The following FILIP1 variants were observed in gnomAD, a reference collection of about 807,000 sequenced individuals.
The protein encoded by FILIP1 is filamin-A-interacting protein 1.
In FILIP1, 61 loss-of-function variants were observed where a neutral mutation model predicts 102.1. The ratio of observed to expected loss-of-function variants is 0.60; its 90% confidence interval spans 0.49 to 0.74. The LOEUF is 0.74. FILIP1 is among the 30% of genes least tolerant of loss of function. The probability of loss-of-function intolerance (pLI) is 0.00; values close to 1 mark genes in which losing one functional copy is unlikely to be tolerated. For synonymous variants in FILIP1, 491 were observed against 526.9 expected, an observed-to-expected ratio of 0.93 and a Z score of 0.93; for missense variants, 1,314 against 1,441.2, an observed-to-expected ratio of 0.91 and a Z score of 1.43.
chr6:75,414,584 A>G, intron 2 of FILIP1, 113 bp downstream of exon 2: 1 of 1,001,026 alleles, frequency 1.0e-6, no homozygotes, highest in Non-Finnish European at 1.5e-6. Context: ...TAAGGGAAAC[A>G]TTCTCCTTTC....
chr6:75,460,689 C>T (rs1434932760), intron 1 of FILIP1, among the ~76,000 whole-genome samples: 2 of 152,114 alleles, frequency 1.3e-5, no homozygotes, highest in Non-Finnish European at 2.9e-5. Flanking sequence ...GCCTCTATTT[C>T]TGAGATTCCA....
At chr6:75,372,158 G>A (rs957071043) in intron 2 of FILIP1, among the ~76,000 whole-genome samples, 9 of 151,906 alleles carry the variant, frequency 5.9e-5, no homozygotes, top group African/African-American at 9.7e-5. Context: ...AGGTGAGATC[G>A]GGAGTTTGAG....
chr6:75,295,013 T>G (rs1265134292), exon 7 of FILIP1: 3 of 151,934 alleles, frequency 2.0e-5, no homozygotes, highest in African/African-American at 7.3e-5. Context: ...TCTTATTTTT[T>G]AAAAAAGATC....
At chr6:75,473,477 A>T (rs1779388162) in intron 1 of FILIP1, among the ~76,000 whole-genome samples, 1 of 152,304 alleles carries the variant, frequency 6.6e-6, no homozygotes, top group East Asian at 1.9e-4. Context: ...TGATCCAACT[A>T]AAGAAACACG....
chr6:75,430,039 T>A (rs1043453592), intron 1 of FILIP1, among the ~76,000 whole-genome samples: 1 of 152,142 alleles, frequency 6.6e-6, no homozygotes. Context: ...AATCCCCAAG[T>A]GTTGAGAGAG....
At chr6:75,331,256 G>C (rs955278847) in intron 4 of FILIP1, among the ~76,000 whole-genome samples, 1 of 152,150 alleles carries the variant, frequency 6.6e-6, no homozygotes, top group Admixed American at 6.5e-5. Context: ...GGAATTGTTA[G>C]TTGTTTGCTC....
At chr6:75,418,359 C>A (rs1401761878) in intron 1 of FILIP1, among the ~76,000 whole-genome samples, 2 of 152,156 alleles carry the variant, frequency 1.3e-5, no homozygotes, top group Non-Finnish European at 2.9e-5. Context: ...AAATAATTAA[C>A]CTTCTGCAGA....
intron 2 of FILIP1, among the ~76,000 whole-genome samples, chr6:75,393,681 C>A (rs1290285430): frequency 6.6e-6 from 1 of 152,150 alleles, no homozygotes. Context: ...ATAGCTTGTT[C>A]AATTAATGGT....
At chr6:75,431,512 C>G (rs543776207) in intron 1 of FILIP1, among the ~76,000 whole-genome samples, 1 of 152,268 alleles carries the variant, frequency 6.6e-6, no homozygotes, top group African/African-American at 2.4e-5. Context: ...GCATGACTCA[C>G]CATCCACAGA....
At chr6:75,447,386 G>T (rs1778473713) in intron 1 of FILIP1, among the ~76,000 whole-genome samples, 1 of 152,052 alleles carries the variant, frequency 6.6e-6, no homozygotes, top group Non-Finnish European at 1.5e-5. Context: ...CTTGAGCCAA[G>T]AATTGCATTT....
In FILIP1 at chr6:75,331,089, G is replaced by A. The variant is rs74658955; in HGVS notation, c.630-15887C>T. Among the ~76,000 whole-genome samples, 331 of 152,204 alleles carry A rather than the reference G, an allele frequency of 2.2e-3. 4 individuals are homozygous for A. The highest frequency in any genetic ancestry group is 0.019 in the East Asian group (96 of 5,182). On this transcript the variant is annotated intron_variant, in intron 4 of 5. Transcript: ENST00000237172. The stretch of plus-strand genomic sequence containing the variant: ...AAACTTGTAGGTATTTGCAAACTAG[G>A]TAGCAGCTAGACTATATTGTAAAAT...
chr6:75,371,886 T>C (rs765754724), intron 2 of FILIP1, among the ~76,000 whole-genome samples: 6 of 152,218 alleles, frequency 3.9e-5, no homozygotes, highest in Non-Finnish European at 7.3e-5. Flanking sequence ...AAAAGTTCCA[T>C]GATATTGGAT....
At chr6:75,423,472 A>C (rs1209680329) in intron 1 of FILIP1, among the ~76,000 whole-genome samples, 1 of 152,146 alleles carries the variant, frequency 6.6e-6, no homozygotes, top group Non-Finnish European at 1.5e-5. Context: ...CCAAACTTGC[A>C]CCAAAAAAAG....
chr6:75,378,621 A>G (rs1775813727), intron 2 of FILIP1, among the ~76,000 whole-genome samples: 1 of 152,178 alleles, frequency 6.6e-6, no homozygotes, highest in East Asian at 1.9e-4. Context: ...GAGTGAACTG[A>G]TGCACAACTC....
intron 2 of FILIP1, among the ~76,000 whole-genome samples, chr6:75,411,333 A>C (rs1340616900): frequency 6.6e-6 from 1 of 152,026 alleles, no homozygotes; most frequent in Non-Finnish European, 1.5e-5. Context: ...TGTGAGATGG[A>C]TAGATTGCAA....
chr6:75,296,147 T>C (rs1443556481), intron 6 of FILIP1, among the ~76,000 whole-genome samples: 1 of 152,186 alleles, frequency 6.6e-6, no homozygotes, highest in Non-Finnish European at 1.5e-5. Flanking sequence ...CGAAATTTCT[T>C]AAAGCCCTTT....
intron 2 of FILIP1, among the ~76,000 whole-genome samples, chr6:75,390,809 CCTT>C (rs1349882786): frequency 6.6e-6 from 1 of 152,072 alleles, no homozygotes; most frequent in African/African-American, 2.4e-5. Flanking sequence ...CATTTTCCTT[CCTT>C]CTTTGAAGAT....
chr6:75,334,986 T>G (rs1774194574), intron 4 of FILIP1, among the ~76,000 whole-genome samples: 2 of 152,116 alleles, frequency 1.3e-5, no homozygotes, highest in Admixed American at 6.6e-5. Flanking sequence ...GGAAATGCAT[T>G]GGGAGAGGGA....
intron 2 of FILIP1, among the ~76,000 whole-genome samples, chr6:75,381,828 C>T (rs1284782535): frequency 6.6e-6 from 1 of 152,144 alleles, no homozygotes; most frequent in African/African-American, 2.4e-5. Flanking sequence ...TAATTTACTG[C>T]TTCTTAATTC....
Sources: gnomAD v4.1 joint callset for allele counts (sites outside exome capture counted in the v4.1 genomes callset) on GRCh38, gnomAD v4.1.1 for gene constraint, MANE v1.5 for transcripts, NCBI Gene and HGNC (gene_info 2026-07-23, HGNC 2026-07-21) for gene names.